The following MCC variants were observed in gnomAD, a reference collection of about 807,000 sequenced individuals.
The protein encoded by MCC is colorectal mutant cancer protein.
Under a neutral mutation model 116.2 loss-of-function variants are expected in MCC, and 90 were observed. That is an observed-to-expected ratio of 0.77 (90% confidence interval 0.65 to 0.92). MCC has a LOEUF of 0.92. Among genes scored for constraint, MCC ranks in the 40% least tolerant of loss-of-function variants. The pLI, the probability that MCC is intolerant of heterozygous loss-of-function variation, is 0.00. For synonymous variants in MCC, 578 were observed against 510.5 expected, an observed-to-expected ratio of 1.13 and a Z score of -1.78; for missense variants, 1,516 against 1,312.2, an observed-to-expected ratio of 1.16 and a Z score of -2.40.
At chr5:113,339,165 G>A (rs190271366) in intron 3 of MCC, among the ~76,000 whole-genome samples, 1 of 151,604 alleles carries the variant, frequency 6.6e-6, no homozygotes, top group African/African-American at 2.4e-5. Context: ...GGCGGAGGTT[G>A]CAGTGAGCCA....
At chr5:113,465,567 T>A (rs1771878501) in intron 1 of MCC, among the ~76,000 whole-genome samples, 1 of 152,128 alleles carries the variant, frequency 6.6e-6, no homozygotes, top group African/African-American at 2.4e-5. Flanking sequence ...TTGCAAAAGG[T>A]ATTACAAAAT....
rs1167090584 is a variant in MCC at position 113,211,527 on chromosome 5, T to TG, written c.628-60106dup. Among the ~76,000 whole-genome samples the TG allele has an allele frequency of 1.2e-4, 19 of 152,314 alleles. No homozygotes were observed. In the South Asian group the frequency reaches 2.3e-3, roughly 18 times the overall value. On this transcript the variant is annotated intron_variant, in intron 3 of 18. Transcript: ENST00000408903. ...ACAATCTTCTACATAGCCACTGGCT[T>TG]GGGGGGTTCTTGTTGCCTAATGCTG...
chr5:113,091,750 G>C (rs1034631198), intron 8 of MCC, among the ~76,000 whole-genome samples: 2 of 152,010 alleles, frequency 1.3e-5, no homozygotes, highest in African/African-American at 4.8e-5. Flanking sequence ...GCCAGGAGTG[G>C]TGCGTGAGCC....
intron 13 of MCC, among the ~76,000 whole-genome samples, chr5:113,065,191 G>C (rs1474834544): frequency 6.6e-6 from 1 of 152,118 alleles, no homozygotes; most frequent in Non-Finnish European, 1.5e-5. Context: ...GTAAACTATG[G>C]GCTCTGGGTG....
chr5:113,475,449 T>C (rs961618798), intron 1 of MCC, among the ~76,000 whole-genome samples: 6 of 152,204 alleles, frequency 3.9e-5, no homozygotes, highest in African/African-American at 1.4e-4. Flanking sequence ...TCCTTCTACC[T>C]ACCCATCTTT....
chr5:113,241,348 G>A (rs2150339132), intron 3 of MCC, among the ~76,000 whole-genome samples: 1 of 152,176 alleles, frequency 6.6e-6, no homozygotes, highest in East Asian at 1.9e-4. Flanking sequence ...AACAAATTTT[G>A]GAAAGACAGA....
Position 113,084,163 on chromosome 5 carries a change from T to G in MCC, c.1573A>C (p.Thr525Pro). 1.2e-6 allele frequency: 2 copies of G among 1,614,180 alleles called. No individual in the cohort carries two copies. Among genetic ancestry groups the G allele is most frequent in the Non-Finnish European group, 1.7e-6 (2 of 1,180,014 alleles). The change falls in exon 10 of 19, where the codon ACA becomes CCA. Residue 525 changes from threonine (T) to proline (P), a missense_variant. Physicochemically the swap from Thr to Pro is conservative, Grantham distance 38 (BLOSUM62 -1). Transcript: ENST00000408903. ...KIAERVKLSK[T>P]RSESSSSDRP... is the part of the protein sequence containing the mutation. Reference sequence around the variant, plus strand: ...TCAGATGATGACGATTCGGACCTTGTCTTTGATAGCTTCACCCTCTCAGCA... The same window carrying G: ...TCAGATGATGACGATTCGGACCTTGGCTTTGATAGCTTCACCCTCTCAGCA...
intron 6 of MCC, among the ~76,000 whole-genome samples, chr5:113,105,399 G>A (rs1313795231): frequency 6.6e-6 from 1 of 152,220 alleles, no homozygotes; most frequent in Non-Finnish European, 1.5e-5. Context: ...TTCTCAGAAT[G>A]TTTTAGTCAA....
chr5:113,403,483 C>A (rs1580336188), intron 1 of MCC, among the ~76,000 whole-genome samples: 1 of 152,246 alleles, frequency 6.6e-6, no homozygotes, highest in South Asian at 2.1e-4. Context: ...CGTAATTAAA[C>A]AAAAGGGGCT....
At chr5:113,218,291 G>A (rs907937581) in intron 3 of MCC, among the ~76,000 whole-genome samples, 8 of 152,110 alleles carry the variant, frequency 5.3e-5, no homozygotes, top group Non-Finnish European at 8.8e-5. Context: ...ATTCTTTCAC[G>A]TCTCTAACGT....
intron 3 of MCC, among the ~76,000 whole-genome samples, chr5:113,268,177 A>G (rs1276164435): frequency 6.6e-6 from 1 of 152,162 alleles, no homozygotes; most frequent in East Asian, 1.9e-4. Context: ...CAACAATCCT[A>G]AAGACGTCCG....
intron 3 of MCC, among the ~76,000 whole-genome samples, chr5:113,240,047 C>T (rs1467155426): frequency 1.3e-5 from 2 of 152,144 alleles, no homozygotes; most frequent in African/African-American, 4.8e-5. Flanking sequence ...TTTCTGGTCT[C>T]CTATTCTGCA....
intron 2 of MCC, among the ~76,000 whole-genome samples, chr5:113,364,764 C>T (rs1768643863): frequency 6.6e-6 from 1 of 152,230 alleles, no homozygotes; most frequent in Non-Finnish European, 1.5e-5. Context: ...ATTCTGCACA[C>T]CTGCAGGCTT....
intron 3 of MCC, among the ~76,000 whole-genome samples, chr5:113,176,739 C>A (rs545010230): frequency 7.2e-5 from 11 of 152,276 alleles, no homozygotes; most frequent in African/African-American, 2.2e-4. Flanking sequence ...GCCCATTTAC[C>A]CAAACCAGAG....
chr5:113,292,248 A>G (rs551213475), intron 3 of MCC, among the ~76,000 whole-genome samples: 49 of 152,270 alleles, frequency 3.2e-4, no homozygotes, highest in African/African-American at 1.1e-3. Context: ...ATAAATAAAT[A>G]AAAATTTAAA....
chr5:113,350,837 G>A, intron 2 of MCC, among the ~76,000 whole-genome samples: 1 of 151,422 alleles, frequency 6.6e-6, no homozygotes, highest in African/African-American at 2.4e-5. Flanking sequence ...AAATCTAAAG[G>A]GAAAAAAATC....
chr5:113,473,779 A>G (rs1330889861), intron 1 of MCC, among the ~76,000 whole-genome samples: 1 of 152,220 alleles, frequency 6.6e-6, no homozygotes, highest in Non-Finnish European at 1.5e-5. Context: ...TGGATTTATC[A>G]GGGTTAGTTC....
At chr5:113,116,523 T>C (rs1264622350) in intron 6 of MCC, among the ~76,000 whole-genome samples, 1 of 152,216 alleles carries the variant, frequency 6.6e-6, no homozygotes, top group African/African-American at 2.4e-5. Context: ...ATGCTATTAA[T>C]AGAAGAGAAG....
At chr5:113,451,517 C>T (rs968111869) in intron 1 of MCC, among the ~76,000 whole-genome samples, 2 of 152,158 alleles carry the variant, frequency 1.3e-5, no homozygotes, top group Non-Finnish European at 2.9e-5. Flanking sequence ...GGCGGATCAC[C>T]TGAGTTCGGG....
Sources: allele counts gnomAD v4.1 joint callset (sites outside exome capture counted in the v4.1 genomes callset), GRCh38; gene constraint gnomAD v4.1.1; transcripts MANE v1.5; gene names NCBI Gene and HGNC (gene_info 2026-07-23, HGNC 2026-07-21).